The following CAMK1D variants were observed in gnomAD, a reference collection of about 807,000 sequenced individuals.
CAMK1D encodes the protein calcium/calmodulin-dependent protein kinase type 1D.
Under a neutral mutation model 47.7 loss-of-function variants are expected in CAMK1D, and 9 were observed. The ratio of observed to expected loss-of-function variants is 0.19; its 90% CI spans 0.11 to 0.33. The LOEUF is 0.33. Ranked by LOEUF, CAMK1D falls within the 10% of genes least tolerant of loss-of-function variation. CAMK1D has a pLI of 1.00. For missense variants in CAMK1D, 291 were observed against 488.7 expected (o/e 0.60, Z 3.81); for synonymous variants, 184 against 184.9 (o/e 0.99, Z 0.04).
At chr10:12,635,140 GT>G (rs1478373716) in intron 2 of CAMK1D, among the ~76,000 whole-genome samples, 1 of 152,114 alleles carries the variant, frequency 6.6e-6, no homozygotes, top group African/African-American at 2.4e-5. Context: ...AGAGGTTGAT[GT>G]GGGGTGTGGT....
intron 3 of CAMK1D, among the ~76,000 whole-genome samples, chr10:12,732,521 G>A (rs540091240): frequency 4.6e-5 from 7 of 152,198 alleles, no homozygotes; most frequent in South Asian, 2.1e-4. Context: ...GGCGGGAGGC[G>A]AAAGGCACTT....
At chr10:12,569,272 A>G (rs1035856286) in intron 2 of CAMK1D, among the ~76,000 whole-genome samples, 1 of 152,236 alleles carries the variant, frequency 6.6e-6, no homozygotes, top group Admixed American at 6.5e-5. Flanking sequence ...AACAACAATC[A>G]TATCAACATG....
chr10:12,507,935 C>T (rs771778933), intron 1 of CAMK1D, among the ~76,000 whole-genome samples: 1 of 152,196 alleles, frequency 6.6e-6, no homozygotes, highest in Admixed American at 6.5e-5. Flanking sequence ...AGCCTCTACA[C>T]ACTTTCCAGG....
At chr10:12,729,011 A>G (rs1289379812) in intron 3 of CAMK1D, among the ~76,000 whole-genome samples, 1 of 152,266 alleles carries the variant, frequency 6.6e-6, no homozygotes. Context: ...ACTGCAATGC[A>G]TGAAAAAACT....
intron 1 of CAMK1D, among the ~76,000 whole-genome samples, chr10:12,535,061 A>G (rs1053160821): frequency 6.6e-6 from 1 of 152,210 alleles, no homozygotes; most frequent in Admixed American, 6.5e-5. Flanking sequence ...TGGTGACGTC[A>G]GGGTCCTGTT....
chr10:12,605,337 A>AGTGTGTGTGTGTGTGTGT (rs112178502), intron 2 of CAMK1D, among the ~76,000 whole-genome samples: 162 of 145,214 alleles, frequency 1.1e-3, no homozygotes, highest in Non-Finnish European at 1.6e-3. Context: ...AAACCATTCA[A>AGTGTGTGTGTGTGTGTGT]GTGTGTGTGT....
intron 3 of CAMK1D, among the ~76,000 whole-genome samples, chr10:12,722,017 G>A (rs909229908): frequency 1.3e-5 from 2 of 152,010 alleles, no homozygotes; most frequent in Non-Finnish European, 2.9e-5. Flanking sequence ...TTTTATAAGG[G>A]CGTTAATCCC....
intron 1 of CAMK1D, among the ~76,000 whole-genome samples, chr10:12,378,888 C>T (rs1455839342): frequency 4.0e-5 from 6 of 150,188 alleles, no homozygotes; most frequent in Admixed American, 6.7e-5. Flanking sequence ...CAGCTCACTG[C>T]AACCTTCGCC....
intron 3 of CAMK1D, among the ~76,000 whole-genome samples, chr10:12,753,625 CT>C (rs928797608): frequency 7.9e-5 from 12 of 152,332 alleles, no homozygotes; most frequent in Middle Eastern, 6.8e-3. Flanking sequence ...TGCTTTTCCC[CT>C]GACCACACGT....
Position 12,825,733 on chromosome 10 carries a change from G to GA in CAMK1D, c.1039+44dup, listed in dbSNP as rs759445508. ...CCAGAATCCCTCAGCTGACACTGAA[G>GA]ACGAGCCTGGGGTGGAGAGGAGGGA... On this transcript the variant is annotated intron_variant, in intron 10 of 10. Transcript: ENST00000619168. The GA allele has an allele frequency of 2.5e-6, 4 of 1,613,546 alleles. No individual in the cohort carries two copies. In the East Asian group the frequency reaches 8.9e-5, roughly 36 times the overall value.
At chr10:12,789,352 G>A (rs1837877167) in intron 5 of CAMK1D, among the ~76,000 whole-genome samples, 2 of 152,152 alleles carry the variant, frequency 1.3e-5, no homozygotes, top group South Asian at 2.1e-4. Flanking sequence ...GACTGAAGAC[G>A]CTCTCACCTT....
intron 7 of CAMK1D, 31 bp from the exon 8 acceptor site, chr10:12,816,219 A>T (rs772974710): frequency 1.3e-6 from 2 of 1,589,478 alleles, no homozygotes; most frequent in Admixed American, 1.7e-5. Flanking sequence ...TCGCAAAGTG[A>T]TTCCTTCCCT....
chr10:12,400,254 G>C (rs1262622393), intron 1 of CAMK1D, among the ~76,000 whole-genome samples: 3 of 152,148 alleles, frequency 2.0e-5, no homozygotes, highest in Admixed American at 6.6e-5. Flanking sequence ...TAACAGAGTG[G>C]CAACCATTGG....
At chr10:12,529,282 CAA>C (rs1309779006) in intron 1 of CAMK1D, among the ~76,000 whole-genome samples, 3 of 152,276 alleles carry the variant, frequency 2.0e-5, no homozygotes, top group Admixed American at 6.5e-5. Context: ...AACAAATACT[CAA>C]GAGAGGGTGG....
At chr10:12,528,215 T>A (rs1835688849) in intron 1 of CAMK1D, among the ~76,000 whole-genome samples, 2 of 152,198 alleles carry the variant, frequency 1.3e-5, no homozygotes, top group South Asian at 4.1e-4. Context: ...GGCTCAAAAG[T>A]CCACAGACAT....
chr10:12,680,074 A>G (rs1170018956), intron 3 of CAMK1D, among the ~76,000 whole-genome samples: 1 of 152,198 alleles, frequency 6.6e-6, no homozygotes, highest in Non-Finnish European at 1.5e-5. Flanking sequence ...ACACATCATC[A>G]TATTCATTCA....
At chr10:12,700,276 G>A (rs1170587753) in intron 3 of CAMK1D, among the ~76,000 whole-genome samples, 2 of 152,162 alleles carry the variant, frequency 1.3e-5, no homozygotes, top group East Asian at 3.9e-4. Context: ...CAGGCCTGGG[G>A]AGGCCTCAGG....
chr10:12,515,123 A>C (rs1310535568), intron 1 of CAMK1D, among the ~76,000 whole-genome samples: 3 of 152,050 alleles, frequency 2.0e-5, no homozygotes, highest in Non-Finnish European at 4.4e-5. Flanking sequence ...TTGGCCTCCC[A>C]AAGTGCTGGG....
At chr10:12,371,137 T>C (rs1837991709) in intron 1 of CAMK1D, among the ~76,000 whole-genome samples, 1 of 152,094 alleles carries the variant, frequency 6.6e-6, no homozygotes, top group Non-Finnish European at 1.5e-5. Context: ...ACAATATGTA[T>C]AAAGTCTACA....
Sources: gnomAD v4.1 joint callset for allele counts (sites outside exome capture counted in the v4.1 genomes callset) on GRCh38, gnomAD v4.1.1 for gene constraint, MANE v1.5 for transcripts, NCBI Gene and HGNC (gene_info 2026-07-23, HGNC 2026-07-21) for gene names.